Variants in RBM17 observed in about 807,000 individuals in gnomAD.
RBM17 encodes the protein RNA binding motif protein 17, also known as splicing factor 45.
Under a neutral mutation model 53.2 loss-of-function variants are expected in RBM17, and 7 were observed. That is an observed-to-expected ratio of 0.13 (90% confidence interval 0.07 to 0.25). The LOEUF is 0.25. Among genes scored for constraint, RBM17 ranks in the 10% least tolerant of loss-of-function variants. The pLI, the probability that RBM17 is intolerant of heterozygous loss-of-function variation, is 1.00. For synonymous variants in RBM17, 167 were observed against 178.1 expected (o/e 0.94, Z 0.50); for missense variants, 257 against 496.7 (o/e 0.52, Z 4.59).
chr10:6,100,350 G>C (rs1410335045), intron 2 of RBM17, among the ~76,000 whole-genome samples: 4 of 152,224 alleles, frequency 2.6e-5, no homozygotes, highest in African/African-American at 9.6e-5. Context: ...GACGCAGTGT[G>C]CCTGCTGTGT....
In RBM17 at chr10:6,101,386, A is replaced by G. The variant is rs1840667439; in HGVS notation, c.239A>G (p.Lys80Arg). ...CCACCGCATGTAGCAGCTGGGCTGA[A>G]GGTAAGCCCGCGCCTGCCTGTGAGC... ...DTPPHVAAGLKDPVPSGFSAG... is the reference protein window; with the variant it reads ...DTPPHVAAGLRDPVPSGFSAG... Residue 80 changes from lysine (K) to arginine (R), a missense_variant and splice_region_variant, in exon 3 of 12, where the codon AAG (lysine) becomes AGG (arginine). Lys to Arg is a conservative substitution (Grantham distance 26). Around this residue, in one of 6 missense-constraint regions of RBM17, gnomAD observed 127 missense variants for 217.2 expected, o/e 0.58. Coordinates refer to ENST00000379888, the MANE Select transcript of RBM17 (RefSeq NM_032905.5). 1 of 1,600,816 alleles carries G rather than the reference A, an allele frequency of 6.2e-7. No homozygotes were observed. Among genetic ancestry groups the G allele is most frequent in the Non-Finnish European group, 8.6e-7 (1 of 1,169,572 alleles).
At chr10:6,100,817 T>G (rs1322341574) in intron 2 of RBM17, among the ~76,000 whole-genome samples, 1 of 152,176 alleles carries the variant, frequency 6.6e-6, no homozygotes, top group Admixed American at 6.5e-5. Flanking sequence ...GAGATTGGGG[T>G]GAAGTGTCAT....
intron 1 of RBM17, among the ~76,000 whole-genome samples, chr10:6,095,007 A>C (rs551623949): frequency 6.6e-6 from 1 of 152,340 alleles, no homozygotes; most frequent in South Asian, 2.1e-4. Flanking sequence ...TGAAGTGGAC[A>C]TCAGGGGATT....
rs538427351 is a variant in RBM17 at position 6,116,035 on chromosome 10, A to C, written c.*479A>C. 1 of 152,626 alleles carries C rather than the reference A, an allele frequency of 6.6e-6. No individual in the cohort carries two copies. The allele number at this position is 152,626 out of a possible 1,614,324, so 9.5% of individuals were successfully genotyped here. On this transcript the variant is annotated 3_prime_UTR_variant, in exon 12 of 12. Coordinates refer to ENST00000379888, the MANE Select transcript of RBM17 (RefSeq NM_032905.5). ...TCTTGGCAGTGTGCCAAAGGTGAAAATGATGCTTTCTCTAACAGAGAAATT... is the reference window on the plus strand; with the variant it reads ...TCTTGGCAGTGTGCCAAAGGTGAAACTGATGCTTTCTCTAACAGAGAAATT...
At position 6,089,327 on chromosome 10, in the gene RBM17, C is replaced by G. The variant is rs1355000731; in HGVS notation, c.-19+134C>G. ...GGGGCGGAGGCCGGGCCAGCGCAGC[C>G]GGAGCCTCCGAGGGTCTCAGTCCCC... is the stretch of plus-strand genomic sequence containing the variant. On this transcript the variant is annotated intron_variant, in intron 1 of 11. Transcript: ENST00000379888. The surrounding 1 kb of genome is among the most constrained non-coding windows in gnomAD (Gnocchi z 5.6). 3.3e-5 allele frequency: 5 copies of G among 152,204 alleles called. No individual in the cohort carries two copies. The highest frequency in any genetic ancestry group is 5.9e-5 in the Non-Finnish European group (4 of 68,028). The allele number at this position is 152,204 out of a possible 1,614,324, so 9.4% of individuals were successfully genotyped here. A position where few individuals can be genotyped will look rare whatever the true frequency, so the allele number is the denominator to read the frequency against.
At chr10:6,102,044 T>C (rs1435820351) in intron 3 of RBM17, among the ~76,000 whole-genome samples, 1 of 152,186 alleles carries the variant, frequency 6.6e-6, no homozygotes, top group Non-Finnish European at 1.5e-5. Context: ...AAAATCATAG[T>C]TAAAACTAGA....
chr10:6,091,753 TA>T (rs1488063090), intron 1 of RBM17, among the ~76,000 whole-genome samples: 3 of 151,890 alleles, frequency 2.0e-5, no homozygotes, highest in African/African-American at 7.3e-5. Flanking sequence ...CCCCTGCCTT[TA>T]GGGGGCTTAC....
At position 6,097,204 on chromosome 10, in the gene RBM17, G is replaced by C; in HGVS notation, c.123+16G>C. 1 of 1,612,682 alleles carries C rather than the reference G, an allele frequency of 6.2e-7. No individual in the cohort carries two copies. The highest frequency in any genetic ancestry group is 8.5e-7 in the Non-Finnish European group (1 of 1,179,258). On this transcript the variant is annotated intron_variant, in intron 2 of 11. Transcript: ENST00000379888. ...TCAGGCAAAGGTAAAGACAAGCCCA[G>C]AGCATGAGAGCAGAGGCCTCCAGAG...
chr10:6,104,771 C>T (rs571979495), intron 3 of RBM17, among the ~76,000 whole-genome samples, 160 bp from the exon 4 acceptor site: 1 of 152,290 alleles, frequency 6.6e-6, no homozygotes, highest in South Asian at 2.1e-4. Context: ...TGACTAGGCA[C>T]GTGGCCTTGT....
intron 2 of RBM17, among the ~76,000 whole-genome samples, chr10:6,100,941 CT>C (rs1367679700): frequency 1.3e-5 from 2 of 151,904 alleles, no homozygotes; most frequent in Non-Finnish European, 2.9e-5. Context: ...CTTTTAAAAA[CT>C]TTTTTTTGTA....
intron 9 of RBM17, 151 bp from the exon 10 acceptor site, chr10:6,113,898 T>G: frequency 1.6e-6 from 1 of 615,056 alleles, no homozygotes; most frequent in Non-Finnish European, 2.9e-6. Flanking sequence ...TTTTAAGAAA[T>G]ACTAACTTTT....
intron 7 of RBM17, among the ~76,000 whole-genome samples, chr10:6,111,904 C>T (rs750260914): frequency 2.1e-4 from 32 of 152,150 alleles, no homozygotes; most frequent in African/African-American, 6.3e-4. Context: ...AGTGCAGGTC[C>T]GGAGCACACA....
intron 5 of RBM17, 75 bp downstream of exon 5, chr10:6,106,313 C>A: frequency 4.1e-6 from 4 of 978,908 alleles, no homozygotes; most frequent in Non-Finnish European, 6.3e-6. Context: ...TTTTTCTTTT[C>A]AGTTTGATAA....
intron 2 of RBM17, among the ~76,000 whole-genome samples, chr10:6,098,057 C>CAAA (rs1840603100): frequency 6.6e-6 from 1 of 151,718 alleles, no homozygotes. Flanking sequence ...CTTGAAATAA[C>CAAA]ATGTAAAACA....
At position 6,112,428 on chromosome 10, in the gene RBM17, G is replaced by A. The variant is rs751131733; in HGVS notation, c.856+67G>A. On this transcript the variant is annotated intron_variant, in intron 8 of 11. Transcript: ENST00000379888. This position sits in a 1 kb window ranked among gnomAD's most constrained non-coding sequence, Gnocchi z 4.4. ...GCCCCATCCATATCAGACATGGCCAGTCTTGATCCTCATGTGTCAGCAGGG... is the reference window on the plus strand; with the variant it reads ...GCCCCATCCATATCAGACATGGCCAATCTTGATCCTCATGTGTCAGCAGGG... The A allele has an allele frequency of 1.4e-5, 22 of 1,576,908 alleles. No individual in the cohort carries two copies. The East Asian group carries it at 4.1e-4, about 29-fold the overall frequency.
In RBM17 at chr10:6,106,156, A is replaced by G. The variant is rs1840745703; in HGVS notation, c.423A>G (p.Arg141=). The G allele has an allele frequency of 1.2e-6, 2 of 1,613,286 alleles. No individual in the cohort carries two copies. Among genetic ancestry groups the G allele is most frequent in the Non-Finnish European group, 1.7e-6 (2 of 1,179,254 alleles). The stretch of plus-strand genomic sequence containing the variant: ...GTTATCACAGAAGGCGTAAAGACAG[A>G]CATGAAGCAAGTGGGTTTGCAAGGA... ...IEEREKRRKD[R]HEASGFARRP... is the part of the protein sequence containing the mutation. The change falls in exon 5 of 12, where the codon AGA becomes AGG. Residue 141 remains arginine, a synonymous_variant. Coordinates refer to ENST00000379888, the MANE Select transcript of RBM17 (RefSeq NM_032905.5).
chr10:6,093,400 A>T (rs1025720636), intron 1 of RBM17, among the ~76,000 whole-genome samples: 2 of 151,960 alleles, frequency 1.3e-5, no homozygotes, highest in South Asian at 4.2e-4. Context: ...TATATTTTTA[A>T]TAGAGATGGG....
chr10:6,094,865 T>C (rs1227910729), intron 1 of RBM17, among the ~76,000 whole-genome samples: 1 of 152,124 alleles, frequency 6.6e-6, no homozygotes, highest in Non-Finnish European at 1.5e-5. Context: ...GCAAATGGAG[T>C]ATAAACTGCA....
chr10:6,094,622 G>A (rs1420776551), intron 1 of RBM17, among the ~76,000 whole-genome samples: 1 of 152,226 alleles, frequency 6.6e-6, no homozygotes, highest in South Asian at 2.1e-4. Flanking sequence ...GAAGAAATGT[G>A]TTTGGGAGCC....
Sources: allele counts gnomAD v4.1 joint callset (sites outside exome capture counted in the v4.1 genomes callset), GRCh38; gene constraint gnomAD v4.1.1; regional missense constraint gnomAD v4.1.1; non-coding constraint Gnocchi (gnomAD v3.1); transcripts MANE v1.5; gene names NCBI Gene and HGNC (gene_info 2026-07-23, HGNC 2026-07-21).